IGFALS: variants seen among roughly 807,000 people sequenced by gnomAD.
IGFALS encodes insulin like growth factor binding protein acid labile subunit, also known as insulin-like growth factor-binding protein complex acid labile subunit.
IGFALS carries 2 observed loss-of-function variants against 2.6 expected under a neutral mutation model. That is an observed-to-expected ratio of 0.77 (90% CI 0.32 to 2.44). IGFALS has a LOEUF of 2.44. Ranked by LOEUF, IGFALS falls within the 30% of genes most tolerant of loss-of-function variation. The pLI, the probability that IGFALS is intolerant of heterozygous loss-of-function variation, is 0.11. For missense variants in IGFALS, 996 were observed against 848.7 expected, an observed-to-expected ratio of 1.17 and a Z score of -2.16; for synonymous variants, 519 against 431.9, an observed-to-expected ratio of 1.20 and a Z score of -2.50.
rs887532748 is a variant in IGFALS at position 1,793,503 on chromosome 16, C to T, written c.16+134G>A. The T allele has an allele frequency of 7.9e-6, 6 of 755,732 alleles. No homozygotes were observed. In the South Asian group the frequency reaches 1.2e-4, roughly 15 times the overall value. 46.8% of individuals were successfully genotyped at this position (755,732 alleles called of 1,614,324 possible). A position where few individuals can be genotyped will look rare whatever the true frequency, so the allele number is the denominator to read the frequency against. On this transcript the variant is annotated intron_variant, in intron 1 of 1. Coordinates refer to ENST00000215539, the MANE Select transcript of IGFALS (RefSeq NM_004970.3). ...GCCGCATTTCCGACTGTGGGCTCCCCAGAGTCCCCCGCAGACCCCCAGAGC... is the reference window on the plus strand; with the variant it reads ...GCCGCATTTCCGACTGTGGGCTCCCTAGAGTCCCCCGCAGACCCCCAGAGC...
Position 1,792,112 on chromosome 16 carries a change from G to A in IGFALS, c.306C>T (p.Phe102=), listed in dbSNP as rs769385320. ...AAFQNLSSLG[F]LNLQGGQLGS... Reference sequence around the variant, plus strand: ...CCAGCTGGCCGCCCTGCAGGTTGAGGAAGCCCAGGCTGGAGAGGTTCTGGA... The same window carrying A: ...CCAGCTGGCCGCCCTGCAGGTTGAGAAAGCCCAGGCTGGAGAGGTTCTGGA... Residue 102 remains phenylalanine, a synonymous_variant, in exon 2 of 2, where the codon TTC becomes TTT. Coordinates refer to ENST00000215539, the MANE Select transcript of IGFALS (RefSeq NM_004970.3). 9 of 1,611,008 alleles carry A rather than the reference G, an allele frequency of 5.6e-6. No homozygotes were observed. In the South Asian group the frequency reaches 9.9e-5, roughly 18 times the overall value.
At chr16:1,792,631 A>G (rs984745342) in intron 1 of IGFALS, 5 of 708,422 alleles carry the variant, frequency 7.1e-6, no homozygotes, top group Non-Finnish European at 1.0e-5. Flanking sequence ...ACAGACGCTC[A>G]GGGCTTGGCT....
At chr16:1,794,628 C>T (rs1294424729), upstream of IGFALS, among the ~76,000 whole-genome samples, 1 of 152,188 alleles carries the variant, frequency 6.6e-6, no homozygotes, top group Non-Finnish European at 1.5e-5. Flanking sequence ...ACCAGTCGCT[C>T]TCTCCCCCAG....
In IGFALS at chr16:1,790,730, T is replaced by C; in HGVS notation, c.1688A>G (p.Gln563Arg). The C allele has an allele frequency of 6.2e-7, 1 of 1,607,424 alleles. No individual in the cohort carries two copies. Among genetic ancestry groups the C allele is most frequent in the South Asian group, 1.1e-5 (1 of 89,944 alleles). ...GCAATCGTCCCCCTCACAGATGGCC[T>C]GGACGAAGCGGGGCACAGCACTGGG... ...QNPSAVPRFVQAICEGDDCQP... is the reference protein window; with the variant it reads ...QNPSAVPRFVRAICEGDDCQP... The change falls in exon 2 of 2, where the codon CAG becomes CGG. Residue 563 changes from glutamine to arginine, a missense_variant. Physicochemically the swap from Gln to Arg is conservative, Grantham distance 43. Transcript: ENST00000215539.
rs35078715 is a variant in IGFALS, at chr16:1,791,479, C to A, written c.939G>T (p.Leu313=). 1 of 1,611,846 alleles carries A rather than the reference C, an allele frequency of 6.2e-7. No individual in the cohort carries two copies. Among genetic ancestry groups the A allele is most frequent in the Non-Finnish European group, 8.5e-7 (1 of 1,179,726 alleles). ...ASLRPRTFKD[L]HFLEELQLGH... is the part of the protein sequence containing the mutation. ...CCAGCTGCAGCTCCTCCAGGAAGTGCAGGTCCTTGAAGGTGCGGGGCCGCA... is the reference window on the plus strand; with the variant it reads ...CCAGCTGCAGCTCCTCCAGGAAGTGAAGGTCCTTGAAGGTGCGGGGCCGCA... Residue 313 remains leucine, a synonymous_variant, in exon 2 of 2, where the codon CTG becomes CTT. Coordinates refer to ENST00000215539, the MANE Select transcript of IGFALS (RefSeq NM_004970.3).
rs1897255027 is a variant in IGFALS at position 1,792,407 on chromosome 16, G to GC, written c.17-7_17-6insG. ...CAGCGCCAGGGCCAGGCCTCCTGCGGGGGGAGAGGCTTGGGGAGGCGGCCC... is the reference window on the plus strand; with the variant it reads ...CAGCGCCAGGGCCAGGCCTCCTGCGGCGGGGAGAGGCTTGGGGAGGCGGCCC... On this transcript the variant is annotated splice_polypyrimidine_tract_variant and splice_region_variant and intron_variant, in intron 1 of 1. Coordinates refer to ENST00000215539, the MANE Select transcript of IGFALS (RefSeq NM_004970.3). 1 of 1,558,254 alleles carries GC rather than the reference G, an allele frequency of 6.4e-7. No individual in the cohort carries two copies. Among genetic ancestry groups the GC allele is most frequent in the African/African-American group, 1.4e-5 (1 of 73,900 alleles).
rs764936312 is a variant in IGFALS at position 1,792,238 on chromosome 16, G to A, written c.180C>T (p.Cys60=). 1.6e-5 allele frequency: 25 copies of A among 1,604,422 alleles called. No homozygotes were observed. In the Admixed American group the frequency reaches 3.0e-4, roughly 19 times the overall value. ...GCAGGCGCGTGAGGTTCCTGGAGCT[G>A]CAGAAGACGCTGAGCTCATCCGCGT... ...DDDADELSVF[C]SSRNLTRLPD... The change falls in exon 2 of 2, where the codon TGC becomes TGT. Residue 60 remains cysteine (C), a synonymous_variant. Coordinates refer to ENST00000215539, the MANE Select transcript of IGFALS (RefSeq NM_004970.3).
rs1897234032 is a variant in IGFALS at position 1,791,796 on chromosome 16, A to AG, written c.621dup (p.Tyr208LeufsTer124). On this transcript the variant is annotated frameshift_variant, in exon 2 of 2. Coordinates refer to ENST00000215539, the MANE Select transcript of IGFALS (RefSeq NM_004970.3). LOFTEE classifies it low-confidence loss of function (END_TRUNC). Reference sequence around the variant, plus strand: ...CCGCTGAAGAGCGCGGGCTGCAGGTAGGCCAGCCTGTTGCCCGCCAGCACC... The same window carrying AG: ...CCGCTGAAGAGCGCGGGCTGCAGGTAGGGCCAGCCTGTTGCCCGCCAGCACC... 6.5e-7 allele frequency: 1 copy of AG among 1,548,774 alleles called. No individual in the cohort carries two copies. Among genetic ancestry groups the AG allele is most frequent in the Non-Finnish European group, 8.7e-7 (1 of 1,149,826 alleles).
At chr16:1,794,760 G>C, upstream of IGFALS, 1 of 687,968 alleles carries the variant, frequency 1.5e-6, no homozygotes, top group Non-Finnish European at 2.7e-6. Context: ...GCCGGAAGGG[G>C]TGCAGGCGGG....
upstream of IGFALS, chr16:1,793,808 G>T: frequency 1.6e-6 from 1 of 644,622 alleles, no homozygotes; most frequent in Non-Finnish European, 2.6e-6. Context: ...ACCCCCTCGT[G>T]CCGGGCGGCC....
chr16:1,791,857 A>T lies in IGFALS; in HGVS notation c.561T>A (p.Asp187Glu). ...GGCTGCCCAGGCCGCGGAACGCCGC[A>T]TCGGGGAGCACCGCCAGGCTATTCC... is the stretch of plus-strand genomic sequence containing the variant. ...LGWNSLAVLP[D>E]AAFRGLGSLR... Residue 187 changes from aspartate (D) to glutamate (E), a missense_variant, in exon 2 of 2, where the codon GAT (aspartate) becomes GAA (glutamate). Physicochemically the swap from Asp to Glu is conservative, Grantham distance 45. Transcript: ENST00000215539. The T allele has an allele frequency of 6.4e-7, 1 of 1,555,586 alleles. No individual in the cohort carries two copies. The highest frequency in any genetic ancestry group is 8.7e-7 in the Non-Finnish European group (1 of 1,151,324).
At chr16:1,793,914 C>T (rs757430376), upstream of IGFALS, among the ~76,000 whole-genome samples, 7 of 152,270 alleles carry the variant, frequency 4.6e-5, no homozygotes, top group Non-Finnish European at 8.8e-5. Flanking sequence ...TGGGGGCTGA[C>T]GGCCAGTGCC....
intron 1 of IGFALS, 197 bp from the exon 2 acceptor site, chr16:1,792,598 G>T: frequency 1.9e-6 from 2 of 1,058,218 alleles, no homozygotes; most frequent in Non-Finnish European, 2.6e-6. Flanking sequence ...TGGGACAGAG[G>T]AGTGGCCGCC....
chr16:1,792,463 C>T, intron 1 of IGFALS, 62 bp from the exon 2 acceptor site: 1 of 1,479,570 alleles, frequency 6.8e-7, no homozygotes, highest in Non-Finnish European at 8.9e-7. Context: ...GAGCCTGATA[C>T]CAGCACAGCC....
chr16:1,792,003 G>A lies in IGFALS; in HGVS notation c.415C>T (p.Leu139Phe), dbSNP rs774948280. 4.4e-6 allele frequency: 7 copies of A among 1,608,964 alleles called. No individual in the cohort carries two copies. The African/African-American group carries it at 5.3e-5, about 12-fold the overall frequency. The change falls in exon 2 of 2, where the codon CTC (leucine) becomes TTC (phenylalanine). Residue 139 changes from leucine (L) to phenylalanine (F), a missense_variant. Physicochemically the swap from Leu to Phe is conservative, Grantham distance 22. Transcript: ENST00000215539. ...LERNQLRSLA[L>F]GTFAHTPALA... is the part of the protein sequence containing the mutation. ...GCGGGCGTGTGTGCAAACGTGCCGAGTGCCAGGCTGCGCAGCTGGTTCCGC... is the reference window on the plus strand; with the variant it reads ...GCGGGCGTGTGTGCAAACGTGCCGAATGCCAGGCTGCGCAGCTGGTTCCGC...
chr16:1,793,716 C>A, upstream of IGFALS: 1 of 1,511,324 alleles, frequency 6.6e-7, no homozygotes, highest in East Asian at 2.4e-5. Context: ...GCCGGCCACC[C>A]CTGCCCTCTG....
Position 1,792,262 on chromosome 16 carries a change from G to T in IGFALS, c.156C>A (p.Asp52Glu), listed in dbSNP as rs768937819. The T allele has an allele frequency of 6.2e-7, 1 of 1,601,488 alleles. No individual in the cohort carries two copies. The highest frequency in any genetic ancestry group is 1.1e-5 in the South Asian group (1 of 91,050). Residue 52 changes from aspartate (D) to glutamate (E), a missense_variant, in exon 2 of 2, where the codon GAC (aspartate) becomes GAA (glutamate). Transcript: ENST00000215539. ...PAACVCSYDD[D>E]ADELSVFCSS... ...TGCAGAAGACGCTGAGCTCATCCGC[G>T]TCGTCATCGTAGCTGCAGACACAGG...
At position 1,792,610 on chromosome 16, in the gene IGFALS, C is replaced by T. The variant is rs982554646; in HGVS notation, c.17-209G>A. On this transcript the variant is annotated intron_variant, in intron 1 of 1. Transcript: ENST00000215539. ...CCATGGGACAGAGGAGTGGCCGCCC[C>T]GCCCCGCTGCACAGACGCTCAGGGC... 51 of 907,400 alleles carry T rather than the reference C, an allele frequency of 5.6e-5. 1 individual carries two copies. Among genetic ancestry groups the T allele is most frequent in the African/African-American group, 3.6e-4 (21 of 58,886 alleles). The allele number at this position is 907,400 out of a possible 1,614,324, so 56.2% of individuals were successfully genotyped here.
chr16:1,793,729 T>A (rs1897282023), upstream of IGFALS: 1 of 1,453,004 alleles, frequency 6.9e-7, no homozygotes. Flanking sequence ...GCCCTCTGGA[T>A]TTCCCCACTG....
Sources: allele counts gnomAD v4.1 joint callset (sites outside exome capture counted in the v4.1 genomes callset), GRCh38; gene constraint gnomAD v4.1.1; transcripts MANE v1.5; gene names NCBI Gene and HGNC (gene_info 2026-07-23, HGNC 2026-07-21).